The following ZNF138 variants were observed in gnomAD, a reference collection of about 807,000 sequenced individuals.
The protein encoded by ZNF138 is zinc finger protein 138.
In ZNF138, 33 loss-of-function variants were observed where a neutral mutation model predicts 33.0. The observed-to-expected ratio is 1.00, with a 90% confidence interval of 0.76 to 1.34. The LOEUF (loss-of-function observed/expected upper bound fraction) is 1.34. Among genes scored for constraint, ZNF138 ranks in the 40% most tolerant of loss-of-function variants. The pLI is 0.00. For synonymous variants in ZNF138, 139 were observed against 120.4 expected, an observed-to-expected ratio of 1.15 and a Z score of -1.01; for missense variants, 360 against 370.8, an observed-to-expected ratio of 0.97 and a Z score of 0.24.
chr7:64,854,941 T>C, the ZNF138 span, among the ~76,000 whole-genome samples: 1 of 152,204 alleles, frequency 6.6e-6, no homozygotes, highest in East Asian at 1.9e-4. Flanking sequence ...ATCTAATCTC[T>C]CAATTTAGAA....
intron 2 of ZNF138, 21 bp from the exon 3 acceptor site, chr7:64,815,555 G>C (rs760595193): frequency 1.2e-6 from 2 of 1,603,108 alleles, no homozygotes; most frequent in Non-Finnish European, 1.7e-6. Flanking sequence ...AATAAAACAA[G>C]TATTGCTATC....
At chr7:64,821,940 A>G (rs1394045642) in intron 3 of ZNF138, among the ~76,000 whole-genome samples, 1 of 118,206 alleles carries the variant, frequency 8.5e-6, no homozygotes, top group Non-Finnish European at 1.7e-5. Context: ...TTTTTTTGAG[A>G]CAGAGTCTGG....
chr7:64,842,705 A>G, the ZNF138 span, among the ~76,000 whole-genome samples: 5 of 152,214 alleles, frequency 3.3e-5, no homozygotes, highest in Admixed American at 2.0e-4. Context: ...AGTGTCTTCC[A>G]TGTCATCACC....
intron 3 of ZNF138, among the ~76,000 whole-genome samples, chr7:64,821,804 C>T (rs569942754): frequency 6.6e-6 from 1 of 151,568 alleles, no homozygotes; most frequent in East Asian, 1.9e-4. Context: ...CTTGGCCTCC[C>T]AAAGTGTTGG....
At chr7:64,813,830 G>T (rs149120883) in intron 1 of ZNF138, among the ~76,000 whole-genome samples, 1 of 152,064 alleles carries the variant, frequency 6.6e-6, no homozygotes, top group African/African-American at 2.4e-5. Context: ...CATCAACACC[G>T]CATAAAATTT....
the ZNF138 span, among the ~76,000 whole-genome samples, chr7:64,860,443 G>C: frequency 2.3e-4 from 35 of 152,084 alleles, no homozygotes; most frequent in African/African-American, 7.0e-4. Flanking sequence ...TTCTTCCCCA[G>C]CCTCTGTTAC....
At chr7:64,842,150 G>A in the ZNF138 span, among the ~76,000 whole-genome samples, 1 of 152,122 alleles carries the variant, frequency 6.6e-6, no homozygotes, top group African/African-American at 2.4e-5. Context: ...TGCAACCTCC[G>A]CCTCTTGGGT....
At chr7:64,798,445 A>G (rs1786869340) in intron 1 of ZNF138, among the ~76,000 whole-genome samples, 1 of 152,224 alleles carries the variant, frequency 6.6e-6, no homozygotes. Flanking sequence ...TAAATACAAA[A>G]AAGAAAATCT....
Position 64,820,548 on chromosome 7 carries a change from T to C in ZNF138, c.208+4895T>C, listed in dbSNP as rs547655099. Among the ~76,000 whole-genome samples, 170 of 151,728 alleles carry C rather than the reference T, an allele frequency of 1.1e-3. 8 individuals are homozygous for C. The highest frequency in any genetic ancestry group is 4.0e-3 in the African/African-American group (164 of 40,998). The stretch of plus-strand genomic sequence containing the variant: ...CATAGTTTGGATATAGATTCATAAA[T>C]GGGATTGCTGTAGTTGATGATAGTT... On this transcript the variant is annotated intron_variant, in intron 3 of 3. Coordinates refer to ENST00000307355, the MANE Select transcript of ZNF138 (RefSeq NM_001271639.2).
At chr7:64,844,843 C>A in the ZNF138 span, among the ~76,000 whole-genome samples, 1 of 152,094 alleles carries the variant, frequency 6.6e-6, no homozygotes, top group African/African-American at 2.4e-5. Context: ...CAAGCCACCT[C>A]GCTCAGCTAA....
the ZNF138 span, among the ~76,000 whole-genome samples, chr7:64,851,163 A>G: frequency 6.6e-6 from 1 of 152,102 alleles, no homozygotes; most frequent in Admixed American, 6.5e-5. Context: ...TACTATAGTC[A>G]CCCTGCTGTG....
In ZNF138 at chr7:64,831,455, G is replaced by T. The variant is rs759917275; in HGVS notation, c.213G>T (p.Leu71=). Residue 71 remains leucine, a synonymous_variant, in exon 4 of 4, where the codon CTG becomes CTT. Transcript: ENST00000307355. ...GTTATTTTTTGTTTCTTTCAGCTCT[G>T]TGTTCTCGTTTTGCCCAAGACCTTT... ...HEMVVAKHSA[L]CSRFAQDLWL... is the part of the protein sequence containing the mutation. 3 of 1,548,476 alleles carry T rather than the reference G, an allele frequency of 1.9e-6. No homozygotes were observed. The highest frequency in any genetic ancestry group is 4.5e-5 in the East Asian group (2 of 44,412).
chr7:64,831,136 C>A, intron 3 of ZNF138: 1 of 1,538,166 alleles, frequency 6.5e-7, no homozygotes. Flanking sequence ...CAGTTTACTT[C>A]TAGAGGCACT....
At chr7:64,831,020 G>A (rs1269312681) in intron 3 of ZNF138, 1 of 1,551,866 alleles carries the variant, frequency 6.4e-7, no homozygotes, top group Non-Finnish European at 8.7e-7. Flanking sequence ...AGCACTTTAT[G>A]TCATGGGAAA....
downstream of ZNF138, chr7:64,835,949 C>T (rs758038215): frequency 2.6e-5 from 4 of 152,230 alleles, no homozygotes; most frequent in South Asian, 8.3e-4. Context: ...TGGCTAAGTT[C>T]GTCCTGACTA....
chr7:64,838,722 G>A, the ZNF138 span, among the ~76,000 whole-genome samples: 1 of 152,196 alleles, frequency 6.6e-6, no homozygotes, highest in Non-Finnish European at 1.5e-5. Flanking sequence ...TGTAGATGTA[G>A]TGGACTGGTA....
chr7:64,828,092 T>A (rs1220223461), intron 3 of ZNF138, among the ~76,000 whole-genome samples: 1 of 152,132 alleles, frequency 6.6e-6, no homozygotes, highest in African/African-American at 2.4e-5. Flanking sequence ...ATTCTCCTAA[T>A]GTCAACATTT....
the ZNF138 span, among the ~76,000 whole-genome samples, chr7:64,857,802 G>T: frequency 2.0e-5 from 3 of 152,130 alleles, no homozygotes; most frequent in East Asian, 1.9e-4. Flanking sequence ...CGTTAAAGTC[G>T]CAATAGCACC....
At chr7:64,795,438 G>A (rs559901304) in intron 1 of ZNF138, among the ~76,000 whole-genome samples, 1 of 152,230 alleles carries the variant, frequency 6.6e-6, no homozygotes, top group South Asian at 2.1e-4. Flanking sequence ...ACTCTGGCTT[G>A]CAGTAAAATA....
Sources: gnomAD v4.1 joint callset for allele counts (sites outside exome capture counted in the v4.1 genomes callset) on GRCh38, gnomAD v4.1.1 for gene constraint, MANE v1.5 for transcripts, NCBI Gene and HGNC (gene_info 2026-07-23, HGNC 2026-07-21) for gene names.